The following KIAA0930 variants were observed in gnomAD, a reference collection of about 807,000 sequenced individuals.
KIAA0930 encodes the protein KIAA0930.
KIAA0930 carries 24 observed loss-of-function variants against 43.9 expected under a neutral mutation model. That is an observed-to-expected ratio of 0.55 (90% confidence interval 0.40 to 0.77). The LOEUF (loss-of-function observed/expected upper bound fraction) is 0.77. KIAA0930 is among the 30% of genes least tolerant of loss of function. The probability of loss-of-function intolerance (pLI) is 0.00; values close to 1 mark genes in which losing one functional copy is unlikely to be tolerated. For missense variants in KIAA0930, 461 were observed against 574.2 expected (o/e 0.80, Z 2.02); for synonymous variants, 259 against 216.4 (o/e 1.20, Z -1.73).
At chr22:45,209,080 G>A (rs2083668073) in intron 2 of KIAA0930, among the ~76,000 whole-genome samples, 1 of 152,224 alleles carries the variant, frequency 6.6e-6, no homozygotes, top group African/African-American at 2.4e-5. Flanking sequence ...GACTGGGGAT[G>A]TCCCTTGGGC....
chr22:45,227,988 G>A (rs540018863), intron 1 of KIAA0930, among the ~76,000 whole-genome samples: 1 of 152,310 alleles, frequency 6.6e-6, no homozygotes, highest in African/African-American at 2.4e-5. Flanking sequence ...GGTAGGCATG[G>A]TCTCAGGGAT....
chr22:45,206,994 C>T (rs924195183), intron 2 of KIAA0930, among the ~76,000 whole-genome samples: 12 of 151,658 alleles, frequency 7.9e-5, no homozygotes, highest in African/African-American at 2.9e-4. Context: ...CCACCGTGCC[C>T]GGCCTCAATT....
chr22:45,222,448 T>C (rs2083772872), intron 1 of KIAA0930, among the ~76,000 whole-genome samples: 1 of 152,174 alleles, frequency 6.6e-6, no homozygotes, highest in Non-Finnish European at 1.5e-5. Flanking sequence ...TGGCTGGGAC[T>C]ATAGGCGCAC....
intron 8 of KIAA0930, among the ~76,000 whole-genome samples, chr22:45,198,843 G>A (rs1292410670): frequency 6.6e-6 from 1 of 152,134 alleles, no homozygotes; most frequent in African/African-American, 2.4e-5. Context: ...TAGAGACAGG[G>A]TTTCACCATG....
chr22:45,218,320 G>A (rs1230724670), intron 1 of KIAA0930, among the ~76,000 whole-genome samples: 1 of 137,252 alleles, frequency 7.3e-6, no homozygotes, highest in Non-Finnish European at 1.5e-5. Flanking sequence ...ATCACACCCA[G>A]CTAATTTTTT....
intron 1 of KIAA0930, among the ~76,000 whole-genome samples, chr22:45,222,455 G>A (rs755512261): frequency 2.3e-4 from 35 of 152,082 alleles, no homozygotes; most frequent in African/African-American, 4.6e-4. Context: ...GACTATAGGC[G>A]CACGCCACCA....
Position 45,196,532 on chromosome 22 carries a change from G to A in KIAA0930, c.*644C>T, listed in dbSNP as rs1486485183. On this transcript the variant is annotated 3_prime_UTR_variant, in exon 10 of 10. Coordinates refer to ENST00000336156, the MANE Select transcript of KIAA0930 (RefSeq NM_001009880.2). The surrounding 1 kb of genome is among the most constrained non-coding windows in gnomAD (Gnocchi z 4.1). ...CGGTGTTCTTTGGCTGGAAGCAAAA[G>A]GCCGTTCTGGCGGGATCGGGGCCGT... 1 of 152,804 alleles carries A rather than the reference G, an allele frequency of 6.5e-6. No homozygotes were observed. Among genetic ancestry groups the A allele is most frequent in the Non-Finnish European group, 1.5e-5 (1 of 68,160 alleles). The allele number at this position is 152,804 out of a possible 1,614,324, so 9.5% of individuals were successfully genotyped here.
chr22:45,215,590 G>T (rs1396262213), intron 1 of KIAA0930, among the ~76,000 whole-genome samples: 1 of 152,160 alleles, frequency 6.6e-6, no homozygotes, highest in Non-Finnish European at 1.5e-5. Flanking sequence ...CATGCCATAC[G>T]GATTCAACCA....
chr22:45,222,722 C>G (rs2083774984), intron 1 of KIAA0930, among the ~76,000 whole-genome samples: 1 of 146,884 alleles, frequency 6.8e-6, no homozygotes, highest in Non-Finnish European at 1.5e-5. Context: ...ACAGACGGAA[C>G]CCTTACATGA....
At chr22:45,226,038 G>C (rs372560887) in intron 1 of KIAA0930, 1 of 294,566 alleles carries the variant, frequency 3.4e-6, no homozygotes. Context: ...GGCGTCCGGG[G>C]CCCAGCGCAG....
chr22:45,197,144 C>T lies in KIAA0930; in HGVS notation c.*32G>A, dbSNP rs773965961. 2.8e-5 allele frequency: 42 copies of T among 1,525,834 alleles called. No homozygotes were observed. Among genetic ancestry groups the T allele is most frequent in the African/African-American group, 1.8e-4 (13 of 71,892 alleles). 94.5% of individuals were successfully genotyped at this position (1,525,834 alleles called of 1,614,324 possible). On this transcript the variant is annotated 3_prime_UTR_variant, in exon 10 of 10. Coordinates refer to ENST00000336156, the MANE Select transcript of KIAA0930 (RefSeq NM_001009880.2). The stretch of plus-strand genomic sequence containing the variant: ...TTGGCAGCACTCCGAGGGCTGGGCC[C>T]GGCCGGGGCTCTGCGCAGGCTCCGC...
At chr22:45,202,719 C>T (rs1008482025) in intron 7 of KIAA0930, 4 of 375,564 alleles carry the variant, frequency 1.1e-5, no homozygotes, top group Non-Finnish European at 1.9e-5. Context: ...GAGCTCTGGC[C>T]CAGCACCAGC....
At chr22:45,209,717 C>G (rs1401644626) in intron 2 of KIAA0930, among the ~76,000 whole-genome samples, 1 of 152,232 alleles carries the variant, frequency 6.6e-6, no homozygotes, top group Admixed American at 6.5e-5. Flanking sequence ...AGATATGAGT[C>G]ATTTCTGTGC....
At chr22:45,221,356 T>C (rs566592831) in intron 1 of KIAA0930, among the ~76,000 whole-genome samples, 3 of 152,326 alleles carry the variant, frequency 2.0e-5, no homozygotes, top group Non-Finnish European at 2.9e-5. Flanking sequence ...TGGCATGCCA[T>C]GGCGATATGT....
At chr22:45,210,896 T>G (rs536457646) in intron 2 of KIAA0930, among the ~76,000 whole-genome samples, 1 of 146,346 alleles carries the variant, frequency 6.8e-6, no homozygotes, top group South Asian at 2.3e-4. Flanking sequence ...CTTCAGACAC[T>G]GCACCCCACT....
rs1250864875 is a variant in KIAA0930, at chr22:45,195,656, G to A, written c.*1520C>T. The A allele has an allele frequency of 7.0e-6, 1 of 143,766 alleles. No individual in the cohort carries two copies. The highest frequency in any genetic ancestry group is 1.5e-5 in the Non-Finnish European group (1 of 66,000). 8.9% of individuals were successfully genotyped at this position (143,766 alleles called of 1,614,324 possible). ...CCCACCAAGCACGGTCTCAGATTAG[G>A]TTATTACAAAGGGCGAGGGGGAGGA... On this transcript the variant is annotated 3_prime_UTR_variant, in exon 10 of 10. Transcript: ENST00000336156.
rs2083500761 is a variant in KIAA0930 at position 45,192,783 on chromosome 22, C to G, written c.*4393G>C. Reference sequence around the variant, plus strand: ...ACTCACCCATCAGCAGCTGCCTCCACTTCTGAGGCTCCCCCTGCGGGAGGA... The same window carrying G: ...ACTCACCCATCAGCAGCTGCCTCCAGTTCTGAGGCTCCCCCTGCGGGAGGA... On this transcript the variant is annotated 3_prime_UTR_variant, in exon 10 of 10. Transcript: ENST00000336156. 1 of 152,298 alleles carries G rather than the reference C, an allele frequency of 6.6e-6. No individual in the cohort carries two copies. The highest frequency in any genetic ancestry group is 1.5e-5 in the Non-Finnish European group (1 of 68,080). The allele number at this position is 152,298 out of a possible 1,614,324, so 9.4% of individuals were successfully genotyped here.
chr22:45,238,055 C>T (rs534059011), intron 1 of KIAA0930, among the ~76,000 whole-genome samples: 5 of 151,896 alleles, frequency 3.3e-5, no homozygotes, highest in South Asian at 2.1e-4. Flanking sequence ...TGAGTAGCTG[C>T]GACTATAGGC....
chr22:45,197,160 C>T lies in KIAA0930; in HGVS notation c.*16G>A. The T allele has an allele frequency of 6.5e-7, 1 of 1,544,482 alleles. No individual in the cohort carries two copies. The highest frequency in any genetic ancestry group is 8.7e-7 in the Non-Finnish European group (1 of 1,143,326). ...GGCTGGGCCCGGCCGGGGCTCTGCG[C>T]AGGCTCCGCACGCGGCTAGGTCATC... On this transcript the variant is annotated 3_prime_UTR_variant, in exon 10 of 10. Coordinates refer to ENST00000336156, the MANE Select transcript of KIAA0930 (RefSeq NM_001009880.2).
Sources: gnomAD v4.1 joint callset for allele counts (sites outside exome capture counted in the v4.1 genomes callset) on GRCh38, gnomAD v4.1.1 for gene constraint, Gnocchi (gnomAD v3.1) non-coding constraint, MANE v1.5 for transcripts, NCBI Gene and HGNC (gene_info 2026-07-23, HGNC 2026-07-21) for gene names.